MTHFD1L: variants seen among roughly 807,000 people sequenced by gnomAD.
The protein encoded by MTHFD1L is methylenetetrahydrofolate dehydrogenase (NADP+ dependent) 1 like.
Under a neutral mutation model 119.5 loss-of-function variants are expected in MTHFD1L, and 81 were observed. The observed-to-expected ratio is 0.68, with a 90% CI of 0.57 to 0.82. The LOEUF (loss-of-function observed/expected upper bound fraction) is 0.82. Ranked by LOEUF, MTHFD1L falls within the 40% of genes least tolerant of loss-of-function variation. The pLI is 0.00. For synonymous variants in MTHFD1L, 430 were observed against 475.2 expected (o/e 0.90, Z 1.24); for missense variants, 1,125 against 1,253.4 (o/e 0.90, Z 1.55).
chr6:151,067,571 G>A (rs1395195249), intron 26 of MTHFD1L, among the ~76,000 whole-genome samples: 4 of 152,120 alleles, frequency 2.6e-5, no homozygotes, highest in Admixed American at 2.6e-4. Flanking sequence ...TGATCCACCC[G>A]CCTTGGCCTC....
chr6:151,011,222 G>T (rs1286919673), intron 21 of MTHFD1L, among the ~76,000 whole-genome samples: 1 of 152,210 alleles, frequency 6.6e-6, no homozygotes, highest in East Asian at 1.9e-4. Flanking sequence ...CAGATTAAAA[G>T]TAGTAAATCA....
At chr6:150,881,689 A>G (rs1163857966) in intron 4 of MTHFD1L, among the ~76,000 whole-genome samples, 1 of 152,010 alleles carries the variant, frequency 6.6e-6, no homozygotes, top group Non-Finnish European at 1.5e-5. Flanking sequence ...TGATTTTATT[A>G]TTATTATTAT....
chr6:150,971,600 T>A (rs1198054094), intron 19 of MTHFD1L, among the ~76,000 whole-genome samples: 1 of 152,208 alleles, frequency 6.6e-6, no homozygotes, highest in East Asian at 1.9e-4. Context: ...TTTCATTCTT[T>A]TAAAAAAATA....
intron 13 of MTHFD1L, among the ~76,000 whole-genome samples, chr6:150,942,204 A>G (rs1488601110): frequency 6.6e-6 from 1 of 152,222 alleles, no homozygotes; most frequent in South Asian, 2.1e-4. Context: ...GGTTGCAGTG[A>G]GCCGAGATCA....
At chr6:150,967,685 C>T (rs1474601523) in intron 19 of MTHFD1L, among the ~76,000 whole-genome samples, 3 of 152,162 alleles carry the variant, frequency 2.0e-5, no homozygotes, top group Non-Finnish European at 4.4e-5. Context: ...TGTGTCCATC[C>T]CTGCAGAGTT....
chr6:151,029,033 C>T (rs967048583), intron 24 of MTHFD1L, among the ~76,000 whole-genome samples: 5 of 151,900 alleles, frequency 3.3e-5, no homozygotes, highest in African/African-American at 7.3e-5. Context: ...ATCACATCAC[C>T]GAACTCCAGA....
rs376740342 is a variant in MTHFD1L at position 151,087,702 on chromosome 6, T to C, written c.2848-4765T>C. Among the ~76,000 whole-genome samples, 30 of 152,378 alleles carry C rather than the reference T, an allele frequency of 2.0e-4. No homozygotes were observed. In the South Asian group the frequency reaches 5.6e-3, roughly 28 times the overall value. On this transcript the variant is annotated intron_variant, in intron 26 of 27. Transcript: ENST00000367321. The stretch of plus-strand genomic sequence containing the variant: ...CCAAGGATATTCTTTTATTTCTTAA[T>C]GACTAGTTTTAAATATATGACTATT...
chr6:151,045,619 T>C (rs1011073491), intron 26 of MTHFD1L, among the ~76,000 whole-genome samples: 1 of 152,230 alleles, frequency 6.6e-6, no homozygotes, highest in Non-Finnish European at 1.5e-5. Context: ...CCCATGAGCC[T>C]GTCCTCTCCA....
intron 12 of MTHFD1L, among the ~76,000 whole-genome samples, chr6:150,937,924 C>T (rs1158160423): frequency 2.0e-5 from 3 of 152,290 alleles, no homozygotes; most frequent in East Asian, 1.9e-4. Flanking sequence ...TTGAGGGATA[C>T]GCAGCATGAC....
chr6:151,052,898 G>A (rs1789281975), intron 26 of MTHFD1L, among the ~76,000 whole-genome samples: 1 of 152,196 alleles, frequency 6.6e-6, no homozygotes, highest in African/African-American at 2.4e-5. Context: ...AAGGCCTTAA[G>A]TGTCAGAAGA....
chr6:150,888,792 GACAA>G (rs1782727202), intron 7 of MTHFD1L, among the ~76,000 whole-genome samples: 1 of 152,182 alleles, frequency 6.6e-6, no homozygotes, highest in Non-Finnish European at 1.5e-5. Context: ...TAATATGGTA[GACAA>G]ACAGACGATC....
chr6:150,968,590 A>G lies in MTHFD1L; in HGVS notation c.2014-3357A>G, dbSNP rs574766463. Among the ~76,000 whole-genome samples, 12 of 151,930 alleles carry G rather than the reference A, an allele frequency of 7.9e-5. No individual in the cohort carries two copies. The South Asian group carries it at 2.5e-3, about 32-fold the overall frequency. On this transcript the variant is annotated intron_variant, in intron 19 of 27. Transcript: ENST00000367321. ...AATGGTGGGATCTCGGCTCACTGCAACCTCTGCCTCCCAGGTTCAAGCGAT... is the reference window on the plus strand; with the variant it reads ...AATGGTGGGATCTCGGCTCACTGCAGCCTCTGCCTCCCAGGTTCAAGCGAT...
At chr6:150,944,745 G>T in intron 14 of MTHFD1L, 152 bp downstream of exon 14, 1 of 637,160 alleles carries the variant, frequency 1.6e-6, no homozygotes. Context: ...TGTTTCCCAA[G>T]GAGAAGGAGC....
intron 16 of MTHFD1L, among the ~76,000 whole-genome samples, chr6:150,949,452 G>A (rs1181844920): frequency 1.3e-5 from 2 of 150,662 alleles, no homozygotes; most frequent in Admixed American, 6.6e-5. Context: ...AAAAAAAAAA[G>A]AAACTTTTTT....
At chr6:151,004,796 C>T (rs546472714) in intron 20 of MTHFD1L, among the ~76,000 whole-genome samples, 31 of 152,322 alleles carry the variant, frequency 2.0e-4, no homozygotes, top group African/African-American at 6.5e-4. Flanking sequence ...TATTAGTCAG[C>T]GTTTCCTGTT....
chr6:151,057,145 G>GTGCC, intron 26 of MTHFD1L: 2 of 974,546 alleles, frequency 2.1e-6, no homozygotes, highest in Non-Finnish European at 2.4e-6. Context: ...GCTGGACCCA[G>GTGCC]TGCCTGCCTT....
rs1173691345 is a variant in MTHFD1L, at chr6:151,017,538, G to T, written c.2586+1845G>T. ...ATTTTTGTATTTTTAGCAGAGACAG[G>T]GTTTCACCATGTTCGTCAGGCTGGT... On this transcript the variant is annotated intron_variant, in intron 24 of 27. Coordinates refer to ENST00000367321, the MANE Select transcript of MTHFD1L (RefSeq NM_015440.5). 3.9e-5 allele frequency among the ~76,000 whole-genome samples: 6 copies of T among 152,040 alleles called. No individual in the cohort carries two copies. The East Asian group carries it at 1.2e-3, about 30-fold the overall frequency.
intron 26 of MTHFD1L, among the ~76,000 whole-genome samples, chr6:151,088,929 G>A (rs573217996): frequency 2.6e-5 from 4 of 152,312 alleles, no homozygotes; most frequent in Admixed American, 2.0e-4. Context: ...TAAAGATAGT[G>A]CGTGTAAACA....
Position 151,009,811 on chromosome 6 carries a change from C to G in MTHFD1L, c.2126-8C>G. The G allele has an allele frequency of 1.2e-6, 2 of 1,613,534 alleles. No individual in the cohort carries two copies. Among genetic ancestry groups the G allele is most frequent in the Non-Finnish European group, 8.5e-7 (1 of 1,179,796 alleles). On this transcript the variant is annotated splice_region_variant and splice_polypyrimidine_tract_variant and intron_variant, in intron 20 of 27. Coordinates refer to ENST00000367321, the MANE Select transcript of MTHFD1L (RefSeq NM_015440.5). ...ATAATAGCACATATTCCACTTGCTT[C>G]CCCACAGTGACCGAAGCTGGCTTTG...
Sources: allele counts gnomAD v4.1 joint callset (sites outside exome capture counted in the v4.1 genomes callset), GRCh38; gene constraint gnomAD v4.1.1; transcripts MANE v1.5; gene names NCBI Gene and HGNC (gene_info 2026-07-23, HGNC 2026-07-21).